Variants in SCAI observed in about 807,000 individuals in gnomAD.
The protein encoded by SCAI is suppressor of cancer cell invasion, also known as protein SCAI.
Under a neutral mutation model 92.2 loss-of-function variants are expected in SCAI, and 24 were observed. The observed-to-expected ratio is 0.26, with a 90% CI of 0.19 to 0.37. The LOEUF is 0.37. SCAI is among the 10% of genes least tolerant of loss of function. The probability of loss-of-function intolerance (pLI) is 1.00; values close to 1 mark genes in which losing one functional copy is unlikely to be tolerated. For synonymous variants in SCAI, 261 were observed against 258.6 expected (o/e 1.01, Z -0.09); for missense variants, 450 against 736.2 (o/e 0.61, Z 4.50).
intron 6 of SCAI, among the ~76,000 whole-genome samples, chr9:125,023,474 C>G (rs1440978749): frequency 6.6e-6 from 1 of 152,096 alleles, no homozygotes; most frequent in African/African-American, 2.4e-5. Context: ...GATGTCAATT[C>G]AAACTTGAAA....
At chr9:125,011,301 T>C (rs1439933137) in intron 9 of SCAI, among the ~76,000 whole-genome samples, 1 of 152,290 alleles carries the variant, frequency 6.6e-6, no homozygotes, top group East Asian at 1.9e-4. Flanking sequence ...TTTAGACTAA[T>C]GTATAACTAG....
chr9:125,116,805 AATCTGTCCT>A (rs1588237304), intron 2 of SCAI, among the ~76,000 whole-genome samples: 1 of 152,232 alleles, frequency 6.6e-6, no homozygotes, highest in East Asian at 1.9e-4. Flanking sequence ...TTCTCTTGAA[AATCTGTCCT>A]AATTATCCCA....
chr9:125,105,180 T>G (rs1313014572), intron 2 of SCAI, among the ~76,000 whole-genome samples: 1 of 150,532 alleles, frequency 6.6e-6, no homozygotes, highest in Non-Finnish European at 1.5e-5. Context: ...AAAAAAACTT[T>G]AAGAATTAGC....
At chr9:125,129,067 T>C (rs1835342139) in intron 2 of SCAI, among the ~76,000 whole-genome samples, 1 of 151,496 alleles carries the variant, frequency 6.6e-6, no homozygotes, top group African/African-American at 2.4e-5. Flanking sequence ...CCCTCTCATA[T>C]ATAAATAAAT....
chr9:125,057,553 T>C (rs1264374558), intron 2 of SCAI, among the ~76,000 whole-genome samples: 1 of 152,214 alleles, frequency 6.6e-6, no homozygotes, highest in Non-Finnish European at 1.5e-5. Flanking sequence ...AAATTCACTC[T>C]TATAGCCACC....
intron 17 of SCAI, among the ~76,000 whole-genome samples, chr9:124,961,653 A>G (rs944026699): frequency 6.6e-6 from 1 of 151,280 alleles, no homozygotes; most frequent in Non-Finnish European, 1.5e-5. Context: ...CCATCTCAAA[A>G]AAAAAAAAAA....
intron 3 of SCAI, among the ~76,000 whole-genome samples, chr9:125,036,284 T>C (rs1317790095): frequency 2.6e-5 from 4 of 152,368 alleles, no homozygotes; most frequent in East Asian, 3.8e-4. Flanking sequence ...TAAGCACTAA[T>C]AAATGTTAGT....
chr9:125,111,985 T>C (rs940298405), intron 2 of SCAI, among the ~76,000 whole-genome samples: 6 of 152,074 alleles, frequency 3.9e-5, no homozygotes, highest in African/African-American at 9.7e-5. Flanking sequence ...GATAAGCCCA[T>C]GTGTAGAAGA....
At chr9:125,109,475 AT>A (rs1218999656) in intron 2 of SCAI, among the ~76,000 whole-genome samples, 1 of 152,210 alleles carries the variant, frequency 6.6e-6, no homozygotes, top group African/African-American at 2.4e-5. Context: ...TTTTAAAAAA[AT>A]GAGTAAATAA....
rs905585067 is a variant in SCAI at position 124,944,225 on chromosome 9, C to G, written c.*8582G>C. 2.6e-5 allele frequency: 4 copies of G among 151,792 alleles called. No individual in the cohort carries two copies. The highest frequency in any genetic ancestry group is 9.7e-5 in the African/African-American group (4 of 41,324). The allele number at this position is 151,792 out of a possible 1,614,324, so 9.4% of individuals were successfully genotyped here. On this transcript the variant is annotated 3_prime_UTR_variant, in exon 18 of 18. Transcript: ENST00000336505. The stretch of plus-strand genomic sequence containing the variant: ...TCAAGTTCTAGATTATTGTACTGAA[C>G]CATTAGAAGGTCTTTTTAATGATAC...
chr9:125,093,700 G>A (rs1834489926), intron 2 of SCAI, among the ~76,000 whole-genome samples: 1 of 151,722 alleles, frequency 6.6e-6, no homozygotes. Context: ...CGAGTAGCTG[G>A]GACTACAGGC....
chr9:125,072,891 A>T (rs1834004573), intron 2 of SCAI, among the ~76,000 whole-genome samples: 1 of 152,082 alleles, frequency 6.6e-6, no homozygotes, highest in Non-Finnish European at 1.5e-5. Context: ...GCTGAATAAT[A>T]CGCCCTTGTT....
chr9:125,077,632 G>C, intron 2 of SCAI, among the ~76,000 whole-genome samples: 1 of 152,092 alleles, frequency 6.6e-6, no homozygotes, highest in East Asian at 1.9e-4. Flanking sequence ...AGAGAGATTT[G>C]GATTTCCCTG....
At chr9:125,018,539 T>C (rs748229414) in intron 9 of SCAI, among the ~76,000 whole-genome samples, 2 of 152,230 alleles carry the variant, frequency 1.3e-5, no homozygotes, top group Non-Finnish European at 2.9e-5. Flanking sequence ...TTCTAACATA[T>C]ATGAAATAAT....
chr9:125,092,131 T>TAAAAAAAAA (rs71374225), intron 2 of SCAI, among the ~76,000 whole-genome samples: 5 of 61,142 alleles, frequency 8.2e-5, no homozygotes, highest in Non-Finnish European at 9.5e-5. Context: ...CTCCGTCTCT[T>TAAAAAAAAA]AAAAAAAAAA....
intron 17 of SCAI, among the ~76,000 whole-genome samples, chr9:124,970,501 C>G (rs1340544166): frequency 1.3e-5 from 2 of 152,022 alleles, no homozygotes; most frequent in African/African-American, 4.8e-5. Context: ...GGTGGATCAC[C>G]TGAGGTCAGG....
chr9:124,973,015 G>A (rs1831689450), intron 15 of SCAI, among the ~76,000 whole-genome samples: 1 of 152,154 alleles, frequency 6.6e-6, no homozygotes, highest in African/African-American at 2.4e-5. Flanking sequence ...ACAAGTGTTT[G>A]GATTTTGGGT....
chr9:125,061,522 G>A (rs1442266202), intron 2 of SCAI, among the ~76,000 whole-genome samples: 1 of 152,222 alleles, frequency 6.6e-6, no homozygotes, highest in East Asian at 1.9e-4. Flanking sequence ...CACTTTGGAG[G>A]CTGAGAAGGG....
chr9:125,074,147 T>A (rs1201311980), intron 2 of SCAI, among the ~76,000 whole-genome samples: 1 of 150,022 alleles, frequency 6.7e-6, no homozygotes, highest in African/African-American at 2.5e-5. Flanking sequence ...TAGTCCCAGC[T>A]ACTCAGGAGG....
Sources: allele counts gnomAD v4.1 joint callset (sites outside exome capture counted in the v4.1 genomes callset), GRCh38; gene constraint gnomAD v4.1.1; transcripts MANE v1.5; gene names NCBI Gene and HGNC (gene_info 2026-07-23, HGNC 2026-07-21).